ATP9B: variants seen among roughly 807,000 people sequenced by gnomAD.
The protein encoded by ATP9B is ATPase phospholipid transporting 9B, also known as probable phospholipid-transporting ATPase IIB.
ATP9B carries 110 observed loss-of-function variants against 146.1 expected under a neutral mutation model. That is an observed-to-expected ratio of 0.75 (90% CI 0.65 to 0.88). The LOEUF (loss-of-function observed/expected upper bound fraction) is 0.88. Ranked by LOEUF, ATP9B falls within the 40% of genes least tolerant of loss-of-function variation. The probability of loss-of-function intolerance (pLI) is 0.00; values close to 1 mark genes in which losing one functional copy is unlikely to be tolerated. For synonymous variants in ATP9B, 604 were observed against 569.7 expected (o/e 1.06, Z -0.86); for missense variants, 1,499 against 1,496.4 (o/e 1.00, Z -0.03).
intron 8 of ATP9B, among the ~76,000 whole-genome samples, chr18:79,192,630 C>T (rs1387869344): frequency 6.6e-6 from 1 of 152,144 alleles, no homozygotes; most frequent in Non-Finnish European, 1.5e-5. Flanking sequence ...ATGTGTGTTT[C>T]GTGAAAGCTT....
intron 8 of ATP9B, among the ~76,000 whole-genome samples, chr18:79,188,944 G>C (rs1314103077): frequency 1.3e-5 from 2 of 149,544 alleles, no homozygotes; most frequent in African/African-American, 5.0e-5. Flanking sequence ...CCTTTAACTA[G>C]AGTTTTTTAA....
At chr18:79,346,001 A>T (rs906614487) in intron 23 of ATP9B, among the ~76,000 whole-genome samples, 162 bp downstream of exon 23, 1 of 151,868 alleles carries the variant, frequency 6.6e-6, no homozygotes, top group Admixed American at 6.6e-5. Flanking sequence ...ATGCTTGGTC[A>T]ACACACATCA....
intron 11 of ATP9B, among the ~76,000 whole-genome samples, chr18:79,232,181 G>C (rs1378645707): frequency 6.6e-6 from 1 of 152,264 alleles, no homozygotes; most frequent in African/African-American, 2.4e-5. Context: ...TAGTCTTCCT[G>C]TCTCACTAAT....
chr18:79,222,953 C>T (rs2095695014), intron 11 of ATP9B, among the ~76,000 whole-genome samples: 1 of 152,136 alleles, frequency 6.6e-6, no homozygotes, highest in East Asian at 1.9e-4. Context: ...GACAGGTTGC[C>T]ATTTTCATGC....
rs926649458 is a variant in ATP9B, at chr18:79,091,707, G to A, written c.120-4769G>A. Among the ~76,000 whole-genome samples the A allele has an allele frequency of 1.2e-4, 19 of 152,228 alleles. No individual in the cohort carries two copies. The South Asian group carries it at 2.1e-3, about 17-fold the overall frequency. ...TTTAGGTTTTTGCAAATATACGTTCGTATCATCAGCAAACAAAGATAATTT... is the reference window on the plus strand; with the variant it reads ...TTTAGGTTTTTGCAAATATACGTTCATATCATCAGCAAACAAAGATAATTT... On this transcript the variant is annotated intron_variant, in intron 1 of 29. Coordinates refer to ENST00000426216, the MANE Select transcript of ATP9B (RefSeq NM_198531.5).
At chr18:79,152,802 A>T (rs183040174) in intron 6 of ATP9B, among the ~76,000 whole-genome samples, 7 of 152,324 alleles carry the variant, frequency 4.6e-5, no homozygotes, top group African/African-American at 1.7e-4. Context: ...TTGAAAACAC[A>T]ATTATTTCCT....
At chr18:79,168,308 G>A (rs1347735287) in intron 7 of ATP9B, among the ~76,000 whole-genome samples, 2 of 152,096 alleles carry the variant, frequency 1.3e-5, no homozygotes, top group East Asian at 3.8e-4. Flanking sequence ...CTAGAGTTCA[G>A]CCAGTGACTA....
chr18:79,154,105 C>T (rs2094734158), intron 6 of ATP9B, among the ~76,000 whole-genome samples: 1 of 150,128 alleles, frequency 6.7e-6, no homozygotes, highest in African/African-American at 2.5e-5. Flanking sequence ...AGGTGCCTGC[C>T]ACCACGCCCA....
intron 25 of ATP9B, among the ~76,000 whole-genome samples, chr18:79,351,695 C>T (rs2096923153): frequency 6.6e-6 from 1 of 152,158 alleles, no homozygotes; most frequent in Non-Finnish European, 1.5e-5. Flanking sequence ...GAACTGTTGG[C>T]CCAGGTGACT....
chr18:79,252,017 C>T (rs1304076208), intron 11 of ATP9B, among the ~76,000 whole-genome samples: 1 of 152,212 alleles, frequency 6.6e-6, no homozygotes. Context: ...AGGCAGTGGC[C>T]TCTCACCCTG....
At chr18:79,297,245 C>T (rs959158458) in intron 13 of ATP9B, among the ~76,000 whole-genome samples, 9 of 134,418 alleles carry the variant, frequency 6.7e-5, no homozygotes, top group African/African-American at 1.5e-4. Flanking sequence ...AGAGAGGAGA[C>T]GCAGACGACC....
chr18:79,209,527 A>C, intron 10 of ATP9B: 1 of 322,850 alleles, frequency 3.1e-6, no homozygotes, highest in Non-Finnish European at 4.5e-6. Context: ...CCCTGAACAA[A>C]GTTTTCTCTC....
At chr18:79,198,419 A>G (rs571685926) in intron 9 of ATP9B, among the ~76,000 whole-genome samples, 1 of 152,384 alleles carries the variant, frequency 6.6e-6, no homozygotes, top group South Asian at 2.1e-4. Context: ...TATTATGGAG[A>G]CAAGTAAGCC....
At chr18:79,280,424 A>G (rs1485842335) in intron 13 of ATP9B, among the ~76,000 whole-genome samples, 3 of 152,192 alleles carry the variant, frequency 2.0e-5, no homozygotes, top group Non-Finnish European at 4.4e-5. Context: ...TAAAATGAAA[A>G]AAGTTATTTA....
chr18:79,349,726 T>C (rs2096911877), intron 25 of ATP9B, among the ~76,000 whole-genome samples: 3 of 152,124 alleles, frequency 2.0e-5, no homozygotes, highest in Admixed American at 6.5e-5. Flanking sequence ...GCCCCCGTCA[T>C]CCTGAGCTGT....
chr18:79,329,323 C>T, intron 16 of ATP9B, 21 bp downstream of exon 16: 4 of 1,560,850 alleles, frequency 2.6e-6, no homozygotes, highest in Non-Finnish European at 3.5e-6. Context: ...GGGGAGGGTG[C>T]CACGCGATGG....
At chr18:79,375,461 A>G (rs775583581) in intron 29 of ATP9B, 35 bp downstream of exon 29, 1 of 1,600,360 alleles carries the variant, frequency 6.2e-7, no homozygotes, top group East Asian at 2.2e-5. Flanking sequence ...AAAAGTGTAG[A>G]AATTTAGCCA....
chr18:79,163,405 T>G (rs1281427104), intron 7 of ATP9B, among the ~76,000 whole-genome samples: 1 of 152,210 alleles, frequency 6.6e-6, no homozygotes, highest in Non-Finnish European at 1.5e-5. Context: ...TACAGGAAAT[T>G]TATGAGACTC....
chr18:79,295,785 T>A (rs1290308805), intron 13 of ATP9B, among the ~76,000 whole-genome samples: 3 of 152,052 alleles, frequency 2.0e-5, no homozygotes, highest in African/African-American at 7.2e-5. Context: ...TGGGATTGGT[T>A]CCCTTAAAAG....
Sources: gnomAD v4.1 joint callset for allele counts (sites outside exome capture counted in the v4.1 genomes callset) on GRCh38, gnomAD v4.1.1 for gene constraint, MANE v1.5 for transcripts, NCBI Gene and HGNC (gene_info 2026-07-23, HGNC 2026-07-21) for gene names.